Variants in LSAMP observed in about 807,000 individuals in gnomAD.
LSAMP encodes limbic system-associated membrane protein.
A neutral mutation model predicts 38.6 loss-of-function variants in LSAMP; 7 were observed. The ratio of observed to expected loss-of-function variants is 0.18; its 90% CI spans 0.10 to 0.34. LSAMP has a LOEUF of 0.34. Ranked by LOEUF, LSAMP falls within the 10% of genes least tolerant of loss-of-function variation. The pLI is 1.00. For missense variants in LSAMP, 313 were observed against 420.0 expected, an observed-to-expected ratio of 0.75 and a Z score of 2.23; for synonymous variants, 154 against 166.8, an observed-to-expected ratio of 0.92 and a Z score of 0.59.
At chr3:116,134,995 G>A (rs950604047) in intron 1 of LSAMP, among the ~76,000 whole-genome samples, 2 of 152,094 alleles carry the variant, frequency 1.3e-5, no homozygotes, top group Non-Finnish European at 2.9e-5. Context: ...TGATGTGTAA[G>A]GCACTACAGG....
intron 1 of LSAMP, among the ~76,000 whole-genome samples, chr3:116,377,691 T>C (rs2048511280): frequency 2.0e-5 from 3 of 152,046 alleles, no homozygotes; most frequent in South Asian, 2.1e-4. Context: ...TTCTAAGTCA[T>C]GGCCGATTCA....
chr3:116,400,460 C>T (rs140439262), intron 1 of LSAMP, among the ~76,000 whole-genome samples: 5 of 133,340 alleles, frequency 3.7e-5, no homozygotes, highest in African/African-American at 9.1e-5. Context: ...CCTTCCTTCC[C>T]TCCTTCCTTC....
At chr3:116,220,892 C>G (rs867086856) in intron 1 of LSAMP, among the ~76,000 whole-genome samples, 4 of 152,146 alleles carry the variant, frequency 2.6e-5, no homozygotes, top group African/African-American at 9.7e-5. Context: ...CAGTGGCTCA[C>G]GCCTGTAATC....
intron 3 of LSAMP, among the ~76,000 whole-genome samples, chr3:115,980,622 C>G (rs958907041): frequency 6.6e-6 from 1 of 152,102 alleles, no homozygotes; most frequent in Non-Finnish European, 1.5e-5. Context: ...CATTTTGGAA[C>G]ACTTAGATAC....
chr3:116,307,716 T>C (rs952250264), intron 1 of LSAMP, among the ~76,000 whole-genome samples: 2 of 151,990 alleles, frequency 1.3e-5, no homozygotes, highest in Admixed American at 6.6e-5. Flanking sequence ...TTCTGTACCA[T>C]TAAAATAGCA....
Position 116,277,021 on chromosome 3 carries a change from C to G in LSAMP, c.155+167856G>C, listed in dbSNP as rs541483255. The stretch of plus-strand genomic sequence containing the variant: ...TACACATGGAGCAGAAGACAGAGCT[C>G]TAGATGAATCAAGAACAGAGGCAGT... On this transcript the variant is annotated intron_variant, in intron 1 of 6. Coordinates refer to ENST00000490035, the MANE Select transcript of LSAMP (RefSeq NM_002338.5). Among the ~76,000 whole-genome samples the G allele has an allele frequency of 3.3e-5, 5 of 152,258 alleles. No individual in the cohort carries two copies. The South Asian group carries it at 1.0e-3, about 32-fold the overall frequency.
intron 6 of LSAMP, among the ~76,000 whole-genome samples, chr3:115,838,394 A>C (rs1222203538): frequency 6.6e-6 from 1 of 152,238 alleles, no homozygotes; most frequent in Non-Finnish European, 1.5e-5. Context: ...CTGGAAACAC[A>C]GTCTGTTATG....
At chr3:116,071,797 T>C (rs1050149992) in intron 2 of LSAMP, among the ~76,000 whole-genome samples, 1 of 152,018 alleles carries the variant, frequency 6.6e-6, no homozygotes, top group Non-Finnish European at 1.5e-5. Flanking sequence ...CCCCCTCAAG[T>C]GTCCATATGT....
chr3:116,359,537 G>T (rs2048274223), intron 1 of LSAMP, among the ~76,000 whole-genome samples: 1 of 152,136 alleles, frequency 6.6e-6, no homozygotes, highest in African/African-American at 2.4e-5. Flanking sequence ...TATTACCCTG[G>T]ACAACAACCT....
At chr3:116,003,176 G>C (rs1486114977) in intron 3 of LSAMP, among the ~76,000 whole-genome samples, 1 of 152,222 alleles carries the variant, frequency 6.6e-6, no homozygotes, top group South Asian at 2.1e-4. Context: ...TTATATGACT[G>C]AAGGAAGTCA....
intron 1 of LSAMP, among the ~76,000 whole-genome samples, chr3:116,112,026 A>G (rs1708627433): frequency 6.6e-6 from 1 of 152,190 alleles, no homozygotes; most frequent in African/African-American, 2.4e-5. Context: ...AAAGATAATT[A>G]CTCAATGGGA....
intron 1 of LSAMP, among the ~76,000 whole-genome samples, chr3:116,278,776 A>G (rs1448998511): frequency 6.6e-6 from 1 of 152,204 alleles, no homozygotes; most frequent in African/African-American, 2.4e-5. Context: ...ATTTTTGTTG[A>G]ATAGATATTT....
At chr3:116,098,818 C>T (rs954735632) in intron 1 of LSAMP, among the ~76,000 whole-genome samples, 4 of 151,860 alleles carry the variant, frequency 2.6e-5, no homozygotes. Context: ...ACAATCAGGT[C>T]GTAAATGGGA....
At chr3:115,989,755 T>C (rs891895350) in intron 3 of LSAMP, among the ~76,000 whole-genome samples, 1 of 152,102 alleles carries the variant, frequency 6.6e-6, no homozygotes, top group Non-Finnish European at 1.5e-5. Flanking sequence ...AATTCTTAGA[T>C]GTAGACTAGA....
At chr3:116,220,916 A>G (rs2046276199) in intron 1 of LSAMP, among the ~76,000 whole-genome samples, 1 of 152,148 alleles carries the variant, frequency 6.6e-6, no homozygotes, top group African/African-American at 2.4e-5. Flanking sequence ...GCACTTTGGG[A>G]GGCCGGGGCA....
At chr3:115,976,398 A>G (rs1246050845) in intron 3 of LSAMP, among the ~76,000 whole-genome samples, 1 of 152,228 alleles carries the variant, frequency 6.6e-6, no homozygotes, top group Non-Finnish European at 1.5e-5. Flanking sequence ...ATTTTTGGAG[A>G]CATAATATAT....
chr3:116,281,300 T>C (rs546152020), intron 1 of LSAMP, among the ~76,000 whole-genome samples: 19 of 152,310 alleles, frequency 1.2e-4, no homozygotes, highest in African/African-American at 4.3e-4. Context: ...ATTTTTCAAG[T>C]TTCACCTGGG....
intron 3 of LSAMP, among the ~76,000 whole-genome samples, chr3:115,906,341 T>C (rs1348143969): frequency 6.6e-6 from 1 of 152,174 alleles, no homozygotes; most frequent in African/African-American, 2.4e-5. Context: ...AGTTCTTTTT[T>C]ATTGTTTTTG....
intron 3 of LSAMP, among the ~76,000 whole-genome samples, chr3:115,892,534 T>C (rs1247711575): frequency 6.6e-6 from 1 of 151,852 alleles, no homozygotes; most frequent in Non-Finnish European, 1.5e-5. Flanking sequence ...CAAAAGCAGG[T>C]AAACAGGGGT....
Sources: allele counts gnomAD v4.1 joint callset (sites outside exome capture counted in the v4.1 genomes callset), GRCh38; gene constraint gnomAD v4.1.1; transcripts MANE v1.5; gene names NCBI Gene and HGNC (gene_info 2026-07-23, HGNC 2026-07-21).